Variants in C13orf42 observed in about 807,000 individuals in gnomAD.
The protein encoded by C13orf42 is uncharacterized protein C13orf42.
intron 1 of C13orf42, among the ~76,000 whole-genome samples, chr13:51,152,393 G>C (rs1001852782): frequency 1.3e-5 from 2 of 152,190 alleles, no homozygotes; most frequent in African/African-American, 4.8e-5. Flanking sequence ...TGTTGCCAGG[G>C]CTGAAGTGCA....
upstream of C13orf42, among the ~76,000 whole-genome samples, chr13:51,114,649 GATA>G (rs1953469887): frequency 1.3e-5 from 1 of 74,364 alleles, no homozygotes; most frequent in East Asian, 4.3e-4. Context: ...GATAGATAGA[GATA>G]GACAGACAGA....
intron 1 of C13orf42, among the ~76,000 whole-genome samples, chr13:51,102,276 T>C (rs1953302274): frequency 6.6e-6 from 1 of 152,180 alleles, no homozygotes; most frequent in African/African-American, 2.4e-5. Context: ...TTATCAATGG[T>C]GTAAAACAGA....
At chr13:51,136,159 T>A (rs1469168656) in intron 1 of C13orf42, among the ~76,000 whole-genome samples, 1 of 152,096 alleles carries the variant, frequency 6.6e-6, no homozygotes, top group East Asian at 1.9e-4. Flanking sequence ...ATCAACCCCC[T>A]GCCCCACCAC....
chr13:51,171,729 C>T (rs1429668885), intron 1 of C13orf42, among the ~76,000 whole-genome samples: 1 of 152,138 alleles, frequency 6.6e-6, no homozygotes, highest in Non-Finnish European at 1.5e-5. Flanking sequence ...AAGGCATAGT[C>T]AAGGTTAATG....
chr13:51,132,879 A>T (rs1953628301), intron 1 of C13orf42, among the ~76,000 whole-genome samples: 1 of 152,200 alleles, frequency 6.6e-6, no homozygotes, highest in South Asian at 2.1e-4. Context: ...AGCTTGCAGT[A>T]AAGAAGCAGG....
chr13:51,100,306 A>T (rs561010637), intron 1 of C13orf42, among the ~76,000 whole-genome samples: 3 of 152,322 alleles, frequency 2.0e-5, no homozygotes, highest in Non-Finnish European at 4.4e-5. Context: ...ACACAAAAAT[A>T]AGTAGTATCT....
intron 1 of C13orf42, among the ~76,000 whole-genome samples, chr13:51,146,288 A>T (rs1953734742): frequency 6.6e-6 from 1 of 152,188 alleles, no homozygotes; most frequent in Admixed American, 6.5e-5. Flanking sequence ...TAACACAGGA[A>T]ACTCACTTTT....
chr13:51,151,609 C>A (rs1209756698), intron 1 of C13orf42, among the ~76,000 whole-genome samples: 1 of 152,192 alleles, frequency 6.6e-6, no homozygotes, highest in Non-Finnish European at 1.5e-5. Flanking sequence ...ACTGACCCTG[C>A]CAATGCAAAT....
At chr13:51,096,263 T>C (rs571897700) in intron 1 of C13orf42, among the ~76,000 whole-genome samples, 1 of 152,302 alleles carries the variant, frequency 6.6e-6, no homozygotes, top group South Asian at 2.1e-4. Flanking sequence ...TATTCCACTG[T>C]CAGTTTCTAC....
intron 1 of C13orf42, among the ~76,000 whole-genome samples, chr13:51,153,004 TG>T (rs1953791690): frequency 6.6e-6 from 1 of 152,192 alleles, no homozygotes; most frequent in African/African-American, 2.4e-5. Context: ...GCTGGCTTCT[TG>T]GGGACTGTAT....
At chr13:51,089,194 G>T (rs1953158534) in intron 1 of C13orf42, among the ~76,000 whole-genome samples, 2 of 152,182 alleles carry the variant, frequency 1.3e-5, no homozygotes, top group Non-Finnish European at 2.9e-5. Flanking sequence ...ATCTCTATGT[G>T]TACAAGATGT....
chr13:51,164,129 G>A (rs187377809), intron 1 of C13orf42, among the ~76,000 whole-genome samples: 34 of 152,276 alleles, frequency 2.2e-4, no homozygotes, highest in Non-Finnish European at 2.6e-4. Context: ...TACGGCTAGC[G>A]CTCAACTCAA....
intron 1 of C13orf42, among the ~76,000 whole-genome samples, chr13:51,136,778 C>T (rs537921433): frequency 1.6e-4 from 25 of 152,272 alleles, no homozygotes; most frequent in African/African-American, 5.5e-4. Context: ...GAGCCTGGCG[C>T]GAGGCCCTGA....
At chr13:51,110,395 G>A (rs1953414047) in intron 1 of C13orf42, among the ~76,000 whole-genome samples, 1 of 152,136 alleles carries the variant, frequency 6.6e-6, no homozygotes, top group African/African-American at 2.4e-5. Flanking sequence ...CCACCGAGCT[G>A]CTCTGTGGAC....
In C13orf42 at chr13:51,163,118, A is replaced by G. The variant is rs543677306; in HGVS notation, n.136+9135T>C. Among the ~76,000 whole-genome samples, 249 of 152,294 alleles carry G rather than the reference A, an allele frequency of 1.6e-3. 2 individuals carry two copies. The highest frequency in any genetic ancestry group is 5.8e-3 in the African/African-American group (241 of 41,572). ...CTGTCTCCCAAACCCCTTGAGGTTG[A>G]GGAAACCTCAGCTGGCTTCACCCCT... On this transcript the variant is annotated intron_variant and non_coding_transcript_variant, in intron 1 of 4. Transcript: ENST00000433280.
intron 1 of C13orf42, among the ~76,000 whole-genome samples, chr13:51,138,274 A>C (rs1953671930): frequency 6.6e-6 from 1 of 152,202 alleles, no homozygotes; most frequent in Admixed American, 6.5e-5. Flanking sequence ...AGTTTTAGAA[A>C]TCCTGTGATT....
At chr13:51,163,806 C>G (rs1448034165) in intron 1 of C13orf42, among the ~76,000 whole-genome samples, 1 of 152,166 alleles carries the variant, frequency 6.6e-6, no homozygotes, top group African/African-American at 2.4e-5. Context: ...TCAGATGTGT[C>G]TGCCATACAA....
At chr13:51,108,190 G>T (rs1191000312) in intron 1 of C13orf42, among the ~76,000 whole-genome samples, 1 of 152,178 alleles carries the variant, frequency 6.6e-6, no homozygotes, top group African/African-American at 2.4e-5. Flanking sequence ...CCCTACTCCA[G>T]CATGACCTCA....
chr13:51,124,481 C>T (rs536221788), intron 1 of C13orf42, among the ~76,000 whole-genome samples: 3 of 152,158 alleles, frequency 2.0e-5, no homozygotes, highest in South Asian at 4.1e-4. Flanking sequence ...GGTTGTGCTA[C>T]GTTGTTAGTT....
Sources: allele counts gnomAD v4.1 joint callset (sites outside exome capture counted in the v4.1 genomes callset), GRCh38; gene constraint gnomAD v4.1.1; transcripts MANE v1.5; gene names NCBI Gene and HGNC (gene_info 2026-07-23, HGNC 2026-07-21).